FHOD1: variants seen among roughly 807,000 people sequenced by gnomAD.
FHOD1 encodes FH1/FH2 domain-containing protein 1.
A neutral mutation model predicts 111.6 loss-of-function variants in FHOD1; 89 were observed. The observed-to-expected ratio is 0.80, with a 90% CI of 0.67 to 0.95. The LOEUF (loss-of-function observed/expected upper bound fraction) is 0.95, where lower values mean the gene tolerates loss of function less well. Among genes scored for constraint, FHOD1 ranks in the 40% least tolerant of loss-of-function variants. The pLI, the probability that FHOD1 is intolerant of heterozygous loss-of-function variation, is 0.00. For missense variants in FHOD1, 1,446 were observed against 1,554.2 expected (o/e 0.93, Z 1.17); for synonymous variants, 618 against 639.0 (o/e 0.97, Z 0.50).
At chr16:67,246,177 G>A (rs890390295) in intron 1 of FHOD1, among the ~76,000 whole-genome samples, 1 of 152,212 alleles carries the variant, frequency 6.6e-6, no homozygotes, top group Non-Finnish European at 1.5e-5. Flanking sequence ...CTGGGGGCCC[G>A]GGGCACATTC....
At chr16:67,236,371 T>G (rs1045530829) in intron 11 of FHOD1, 186 bp downstream of exon 11, 3 of 1,433,422 alleles carry the variant, frequency 2.1e-6, no homozygotes, top group Non-Finnish European at 2.7e-6. Context: ...GAGGAGGAGA[T>G]CCAGTCAGAG....
intron 1 of FHOD1, 114 bp from the exon 2 acceptor site, chr16:67,239,568 A>C: frequency 1.4e-6 from 1 of 738,074 alleles, no homozygotes; most frequent in Non-Finnish European, 2.4e-6. Context: ...CAGGGTCTGC[A>C]CTACAGCTGT....
At chr16:67,239,093 C>A in intron 2 of FHOD1, 126 bp from the exon 3 acceptor site, 2 of 925,784 alleles carry the variant, frequency 2.2e-6, no homozygotes, top group Non-Finnish European at 3.4e-6. Flanking sequence ...GCTGCTCCTC[C>A]AAGAACCCAA....
intron 11 of FHOD1, among the ~76,000 whole-genome samples, chr16:67,236,222 G>A (rs1039980719): frequency 1.3e-5 from 2 of 152,224 alleles, no homozygotes; most frequent in African/African-American, 4.8e-5. Flanking sequence ...TGGAAGTGGA[G>A]GGGAGAGACT....
In FHOD1 at chr16:67,238,418, G is replaced by A. The variant is rs748552667; in HGVS notation, c.403C>T (p.Leu135Phe). Reference protein sequence around the residue: ...EKLYSSSGPELRRSLFSLKQI... With the variant: ...EKLYSSSGPEFRRSLFSLKQI... ...TTCAGTGAGAAGAGGGAGCGGCGGA[G>A]CTCAGGACCACTGGAGCTATACAGC... The change falls in exon 4 of 22, where the codon CTC becomes TTC. Residue 135 changes from leucine (L) to phenylalanine (F), a missense_variant. Physicochemically the swap from Leu to Phe is conservative, Grantham distance 22. Coordinates refer to ENST00000258201, the MANE Select transcript of FHOD1 (RefSeq NM_013241.3). The surrounding 1 kb of genome is among the most constrained non-coding windows in gnomAD (Gnocchi z 4.2). 6.2e-7 allele frequency: 1 copy of A among 1,614,138 alleles called. No homozygotes were observed. The highest frequency in any genetic ancestry group is 2.2e-5 in the East Asian group (1 of 44,890).
chr16:67,234,671 T>A (rs1007512094), intron 11 of FHOD1, 199 bp from the exon 12 acceptor site: 2 of 526,352 alleles, frequency 3.8e-6, no homozygotes, highest in Non-Finnish European at 6.8e-6. Context: ...GGAGGATTAC[T>A]ACCAACCCAG....
chr16:67,245,609 G>A (rs566044453), intron 1 of FHOD1, among the ~76,000 whole-genome samples: 74 of 152,234 alleles, frequency 4.9e-4, no homozygotes, highest in Admixed American at 1.2e-3. Context: ...CCTGAGTATG[G>A]TGGCGCACAC....
chr16:67,231,598 C>A lies in FHOD1; in HGVS notation c.2385+39G>T, dbSNP rs1254349586. On this transcript the variant is annotated intron_variant, in intron 15 of 21. Transcript: ENST00000258201. This position sits in a 1 kb window ranked among gnomAD's most constrained non-coding sequence, Gnocchi z 4.3. ...TCAGACTACATGGTCATGATGCTTA[C>A]CTGTCCCTACTGACTGTCCCACTCC... The A allele has an allele frequency of 6.2e-7, 1 of 1,614,144 alleles. No homozygotes were observed. Among genetic ancestry groups the A allele is most frequent in the Non-Finnish European group, 8.5e-7 (1 of 1,179,992 alleles).
intron 11 of FHOD1, among the ~76,000 whole-genome samples, chr16:67,235,243 A>G (rs2034434262): frequency 6.6e-6 from 1 of 152,162 alleles, no homozygotes; most frequent in African/African-American, 2.4e-5. Context: ...AGGGCCTGGT[A>G]AACAGGCCAG....
Position 67,237,280 on chromosome 16 carries a change from C to T in FHOD1, c.952G>A (p.Gly318Ser). 2 of 1,613,978 alleles carry T rather than the reference C, an allele frequency of 1.2e-6. No homozygotes were observed. Among genetic ancestry groups the T allele is most frequent in the Non-Finnish European group, 1.7e-6 (2 of 1,180,032 alleles). The change falls in exon 9 of 22, where the codon GGC becomes AGC. Residue 318 changes from glycine to serine, a missense_variant. By Grantham distance (56) the Gly-to-Ser change is moderately conservative. Transcript: ENST00000258201. The surrounding 1 kb of genome is among the most constrained non-coding windows in gnomAD (Gnocchi z 5.6). ...ALVQRHLGTA[G>S]TDVDLRTQLV... ...TGCGTGCGCAGGTCGACGTCAGTGC[C>T]CGCAGTGCCCAGGTGGCGCTGGACC...
Position 67,237,375 on chromosome 16 carries a change from G to A in FHOD1, c.857C>T (p.Ala286Val), listed in dbSNP as rs757902430. Residue 286 changes from alanine to valine, a missense_variant, in exon 9 of 22, where the codon GCG becomes GTG. Ala to Val is a moderately conservative substitution (Grantham distance 64). Transcript: ENST00000258201. This position sits in a 1 kb window ranked among gnomAD's most constrained non-coding sequence, Gnocchi z 5.6. Reference sequence around the variant, plus strand: ...GAAGGAGTCCTGGTCCGGGAGCGCCGCCAGCGTCTGGAGGGCGGGGATAAG... The same window carrying A: ...GAAGGAGTCCTGGTCCGGGAGCGCCACCAGCGTCTGGAGGGCGGGGATAAG... The part of the protein sequence containing the change: ...YTVTLINKTL[A>V]ALPDQDSFYD... The A allele has an allele frequency of 1.2e-6, 2 of 1,613,852 alleles. No homozygotes were observed. The highest frequency in any genetic ancestry group is 8.5e-7 in the Non-Finnish European group (1 of 1,179,764).
At position 67,237,111 on chromosome 16, in the gene FHOD1, C is replaced by T. The variant is rs752830654; in HGVS notation, c.997G>A (p.Ala333Thr). 20 of 1,609,066 alleles carry T rather than the reference C, an allele frequency of 1.2e-5. No individual in the cohort carries two copies. The South Asian group carries it at 2.1e-4, about 17-fold the overall frequency. The change falls in exon 10 of 22, where the codon GCC becomes ACC. Residue 333 changes from alanine (A) to threonine (T), a missense_variant. Ala to Thr is a moderately conservative substitution (Grantham distance 58). Coordinates refer to ENST00000258201, the MANE Select transcript of FHOD1 (RefSeq NM_013241.3). This position sits in a 1 kb window ranked among gnomAD's most constrained non-coding sequence, Gnocchi z 5.6. ...LRTQLVLYEN[A>T]LKLEDGDIEE... is the part of the protein sequence containing the mutation. Reference sequence around the variant, plus strand: ...ATGTCTCCATCCTCCAATTTCAGGGCGTTCTAGCAGAGGCGGACCAGGATG... The same window carrying T: ...ATGTCTCCATCCTCCAATTTCAGGGTGTTCTAGCAGAGGCGGACCAGGATG...
intron 1 of FHOD1, among the ~76,000 whole-genome samples, chr16:67,240,119 G>T (rs1364172719): frequency 6.6e-6 from 1 of 152,180 alleles, no homozygotes; most frequent in Non-Finnish European, 1.5e-5. Flanking sequence ...GACAGGGTCT[G>T]ATCCATAGAC....
Position 67,231,177 on chromosome 16 carries a change from C to T in FHOD1, c.2667+11G>A, listed in dbSNP as rs760475741. 1 of 1,613,464 alleles carries T rather than the reference C, an allele frequency of 6.2e-7. No individual in the cohort carries two copies. The highest frequency in any genetic ancestry group is 1.7e-5 in the Admixed American group (1 of 59,952). On this transcript the variant is annotated intron_variant, in intron 17 of 21. Coordinates refer to ENST00000258201, the MANE Select transcript of FHOD1 (RefSeq NM_013241.3). The surrounding 1 kb of genome is among the most constrained non-coding windows in gnomAD (Gnocchi z 4.3). ...CTTGTCCGGCCTTGGTTGATTCTGG[C>T]AGGTGCTAACCTTGGCACAGCGGGT... is the stretch of plus-strand genomic sequence containing the variant.
In FHOD1 at chr16:67,237,839, G is replaced by GAAGGGC; in HGVS notation, c.643-77_643-72dup. On this transcript the variant is annotated intron_variant, in intron 6 of 21. Transcript: ENST00000258201. This position sits in a 1 kb window ranked among gnomAD's most constrained non-coding sequence, Gnocchi z 5.6. Reference sequence around the variant, plus strand: ...TGTGCCAGCTGTTGCTGGGGAAGGGGAAGGGCTGCTGGGGCTGGACCCAGA... The same window carrying GAAGGGC: ...TGTGCCAGCTGTTGCTGGGGAAGGGGAAGGGCAAGGGCTGCTGGGGCTGGACCCAGA... 1 of 1,472,518 alleles carries GAAGGGC rather than the reference G, an allele frequency of 6.8e-7. No homozygotes were observed. The highest frequency in any genetic ancestry group is 1.1e-5 in the South Asian group (1 of 87,736). The allele number at this position is 1,472,518 out of a possible 1,614,324, so 91.2% of individuals were successfully genotyped here.
rs1567387887 is a variant in FHOD1 at position 67,234,396 on chromosome 16, GT to G, written c.1395del (p.Ala467ProfsTer53). On this transcript the variant is annotated frameshift_variant, in exon 12 of 22. Coordinates refer to ENST00000258201, the MANE Select transcript of FHOD1 (RefSeq NM_013241.3). LOFTEE classifies it high-confidence loss of function. ...GCCTCATTGGGCATGGCCCCGGCAA[GT>G]GTCTCTGCCCGGCCCTGGGCCAGCG... ...QVALAQGRAE[T>X]LAGAMPNEAG... 2.5e-6 allele frequency: 4 copies of G among 1,610,510 alleles called. No homozygotes were observed. In the South Asian group the frequency reaches 4.4e-5, roughly 18 times the overall value.
chr16:67,243,127 T>C (rs1202186506), intron 1 of FHOD1, among the ~76,000 whole-genome samples: 1 of 152,086 alleles, frequency 6.6e-6, no homozygotes, highest in Non-Finnish European at 1.5e-5. Context: ...ACAGGGAAGA[T>C]GGAAAAGAGG....
chr16:67,232,361 CA>C (rs1002934047), intron 13 of FHOD1, among the ~76,000 whole-genome samples, 167 bp from the exon 14 acceptor site: 1 of 151,320 alleles, frequency 6.6e-6, no homozygotes, highest in African/African-American at 2.4e-5. Flanking sequence ...ACTAAAAATA[CA>C]AAAAAAATTA....
chr16:67,241,745 C>T (rs758902390), intron 1 of FHOD1, among the ~76,000 whole-genome samples: 7 of 152,150 alleles, frequency 4.6e-5, no homozygotes, highest in Non-Finnish European at 7.3e-5. Context: ...TAAAGATAAA[C>T]GGGAAGGGAA....
Sources: allele counts gnomAD v4.1 joint callset (sites outside exome capture counted in the v4.1 genomes callset), GRCh38; gene constraint gnomAD v4.1.1; non-coding constraint Gnocchi (gnomAD v3.1); transcripts MANE v1.5; gene names NCBI Gene and HGNC (gene_info 2026-07-23, HGNC 2026-07-21).